ATP6V1A: variants seen among roughly 807,000 people sequenced by gnomAD.
ATP6V1A encodes the protein ATPase H+ transporting V1 subunit A.
ATP6V1A carries 18 observed loss-of-function variants against 70.1 expected under a neutral mutation model. The ratio of observed to expected loss-of-function variants is 0.26; its 90% CI spans 0.18 to 0.38. The LOEUF (loss-of-function observed/expected upper bound fraction) is 0.38, where lower values mean the gene tolerates loss of function less well. Among genes scored for constraint, ATP6V1A ranks in the 10% least tolerant of loss-of-function variants. The pLI is 1.00. For missense variants in ATP6V1A, 424 were observed against 772.4 expected (o/e 0.55, Z 5.35); for synonymous variants, 232 against 253.8 (o/e 0.91, Z 0.82).
intron 1 of ATP6V1A, among the ~76,000 whole-genome samples, chr3:113,771,781 A>G (rs928525519): frequency 2.6e-5 from 4 of 152,054 alleles, no homozygotes; most frequent in Admixed American, 6.6e-5. Flanking sequence ...TTATGGATAC[A>G]TAAGTGTATA....
intron 1 of ATP6V1A, among the ~76,000 whole-genome samples, chr3:113,770,868 G>GCAGATCA (rs1441078534): frequency 6.6e-6 from 1 of 152,032 alleles, no homozygotes; most frequent in African/African-American, 2.4e-5. Context: ...GCCGAGGCGG[G>GCAGATCA]CAGATCACAA....
intron 13 of ATP6V1A, 80 bp from the exon 14 acceptor site, chr3:113,805,274 T>C: frequency 7.5e-7 from 1 of 1,342,186 alleles, no homozygotes; most frequent in South Asian, 1.3e-5. Flanking sequence ...AAGAAACTAA[T>C]GCTCTAGTAG....
chr3:113,751,976 A>G (rs1427031936), intron 1 of ATP6V1A, among the ~76,000 whole-genome samples: 1 of 151,838 alleles, frequency 6.6e-6, no homozygotes, highest in Non-Finnish European at 1.5e-5. Flanking sequence ...TTAGAAGGAA[A>G]CACTTTCTTA....
At chr3:113,765,142 G>C (rs187843018) in intron 1 of ATP6V1A, among the ~76,000 whole-genome samples, 1 of 152,076 alleles carries the variant, frequency 6.6e-6, no homozygotes, top group East Asian at 1.9e-4. Flanking sequence ...GAGTCTGTGG[G>C]CATTAATATT....
rs891000036 is a variant in ATP6V1A, at chr3:113,786,159, C to T, written c.565-73C>T. 2.1e-5 allele frequency: 29 copies of T among 1,391,420 alleles called. No homozygotes were observed. In the African/African-American group the frequency reaches 2.3e-4, roughly 11 times the overall value. 86.2% of individuals were successfully genotyped at this position (1,391,420 alleles called of 1,614,324 possible). A position where few individuals can be genotyped will look rare whatever the true frequency, so the allele number is the denominator to read the frequency against. ...TCACCTTCCTAACCCCAAGGAGAAT[C>T]GGGTTACTTTGATTTTGAAGGAAGA... On this transcript the variant is annotated intron_variant, in intron 5 of 14. Coordinates refer to ENST00000273398, the MANE Select transcript of ATP6V1A (RefSeq NM_001690.4).
In ATP6V1A at chr3:113,747,042, A is replaced by C. The variant is rs1488280518; in HGVS notation, c.-85A>C. The C allele has an allele frequency of 9.6e-6, 1 of 103,984 alleles. No individual in the cohort carries two copies. The highest frequency in any genetic ancestry group is 1.8e-5 in the Non-Finnish European group (1 of 56,104). The allele number at this position is 103,984 out of a possible 1,614,324, so 6.4% of individuals were successfully genotyped here. Reference sequence around the variant, plus strand: ...CCCCCCCCCCCAACCTGTGCAGCTGAGGACTTCCCCTCCGTGGTGACAGCC... The same window carrying C: ...CCCCCCCCCCCAACCTGTGCAGCTGCGGACTTCCCCTCCGTGGTGACAGCC... On this transcript the variant is annotated 5_prime_UTR_variant, in exon 1 of 15. Transcript: ENST00000273398.
Position 113,796,823 on chromosome 3 carries a change from G to A in ATP6V1A, c.1290+884G>A, listed in dbSNP as rs532996857. Reference sequence around the variant, plus strand: ...TATGGGGAAAGAGGGAACAGAGTTAGAAATGCATGGAATATCTGTGAATGT... The same window carrying A: ...TATGGGGAAAGAGGGAACAGAGTTAAAAATGCATGGAATATCTGTGAATGT... On this transcript the variant is annotated intron_variant, in intron 11 of 14. Coordinates refer to ENST00000273398, the MANE Select transcript of ATP6V1A (RefSeq NM_001690.4). Among the ~76,000 whole-genome samples, 103 of 152,346 alleles carry A rather than the reference G, an allele frequency of 6.8e-4. 2 individuals carry two copies. The South Asian group carries it at 0.015, about 22-fold the overall frequency.
At chr3:113,772,778 A>G (rs565596372) in intron 1 of ATP6V1A, among the ~76,000 whole-genome samples, 63 of 152,062 alleles carry the variant, frequency 4.1e-4, no homozygotes, top group African/African-American at 1.4e-3. Flanking sequence ...TTTACACTTT[A>G]AAACTCGTGT....
At chr3:113,807,690 G>A (rs554885671) in intron 14 of ATP6V1A, among the ~76,000 whole-genome samples, 1 of 152,206 alleles carries the variant, frequency 6.6e-6, no homozygotes, top group South Asian at 2.1e-4. Context: ...AGAGGATGAA[G>A]AAGAAATATA....
At chr3:113,789,403 T>G (rs1334476079) in intron 7 of ATP6V1A, among the ~76,000 whole-genome samples, 2 of 152,142 alleles carry the variant, frequency 1.3e-5, no homozygotes, top group South Asian at 4.2e-4. Context: ...GGTCTGGTGG[T>G]TTTTACTTAT....
At chr3:113,773,573 A>G (rs1332071118) in intron 1 of ATP6V1A, among the ~76,000 whole-genome samples, 1 of 152,218 alleles carries the variant, frequency 6.6e-6, no homozygotes, top group African/African-American at 2.4e-5. Context: ...TTGCTCATAC[A>G]TTTGGAGGCA....
chr3:113,795,770 A>G (rs529307419), intron 10 of ATP6V1A, 106 bp from the exon 11 acceptor site: 11 of 860,088 alleles, frequency 1.3e-5, no homozygotes, highest in South Asian at 5.1e-5. Flanking sequence ...AGTTATTTAC[A>G]TTAAAATCGA....
At chr3:113,763,815 T>C (rs1708734762) in intron 1 of ATP6V1A, among the ~76,000 whole-genome samples, 1 of 152,074 alleles carries the variant, frequency 6.6e-6, no homozygotes, top group Admixed American at 6.6e-5. Flanking sequence ...GATATTATCT[T>C]AGATTAGGTG....
intron 1 of ATP6V1A, among the ~76,000 whole-genome samples, chr3:113,768,790 T>C (rs1200029291): frequency 3.3e-5 from 5 of 152,048 alleles, no homozygotes; most frequent in Non-Finnish European, 5.9e-5. Flanking sequence ...GAGATGGGAT[T>C]TCGCCACGTT....
intron 1 of ATP6V1A, among the ~76,000 whole-genome samples, chr3:113,770,955 T>C (rs1466238719): frequency 6.6e-6 from 1 of 151,222 alleles, no homozygotes; most frequent in Non-Finnish European, 1.5e-5. Flanking sequence ...ATTAGCTGGG[T>C]GTGGGGGCGC....
At chr3:113,803,734 A>G in intron 13 of ATP6V1A, 57 bp downstream of exon 13, 2 of 1,379,422 alleles carry the variant, frequency 1.4e-6, no homozygotes, top group Non-Finnish European at 1.0e-6. Flanking sequence ...GTTTTGGTGA[A>G]GGAGTACACA....
At chr3:113,759,513 T>C (rs908887231) in intron 1 of ATP6V1A, among the ~76,000 whole-genome samples, 2 of 151,902 alleles carry the variant, frequency 1.3e-5, no homozygotes, top group African/African-American at 4.8e-5. Flanking sequence ...TATAGAATTA[T>C]ATGTGTTCTA....
intron 9 of ATP6V1A, 40 bp from the exon 10 acceptor site, chr3:113,795,050 G>T: frequency 1.9e-6 from 3 of 1,613,510 alleles, no homozygotes; most frequent in Non-Finnish European, 1.7e-6. Context: ...TTCGGGGCTG[G>T]CTTAGAAACT....
At chr3:113,754,586 C>T (rs572522411) in intron 1 of ATP6V1A, among the ~76,000 whole-genome samples, 1 of 151,852 alleles carries the variant, frequency 6.6e-6, no homozygotes, top group South Asian at 2.1e-4. Flanking sequence ...ATGATAGGGA[C>T]TACTAGATAG....
Sources: gnomAD v4.1 joint callset for allele counts (sites outside exome capture counted in the v4.1 genomes callset) on GRCh38, gnomAD v4.1.1 for gene constraint, MANE v1.5 for transcripts, NCBI Gene and HGNC (gene_info 2026-07-23, HGNC 2026-07-21) for gene names.